Variants in MAP3K20 observed in about 807,000 individuals in gnomAD.
MAP3K20 encodes the protein mitogen-activated protein kinase kinase kinase 20.
A neutral mutation model predicts 85.7 loss-of-function variants in MAP3K20; 40 were observed. That is an observed-to-expected ratio of 0.47 (90% CI 0.36 to 0.61). The LOEUF (loss-of-function observed/expected upper bound fraction) is 0.61, where lower values mean the gene tolerates loss of function less well. Among genes scored for constraint, MAP3K20 ranks in the 20% least tolerant of loss-of-function variants. The probability of loss-of-function intolerance (pLI) is 0.00; values close to 1 mark genes in which losing one functional copy is unlikely to be tolerated. For missense variants in MAP3K20, 817 were observed against 961.7 expected (o/e 0.85, Z 1.99); for synonymous variants, 325 against 327.7 (o/e 0.99, Z 0.09).
chr2:173,159,413 T>C (rs888436689), intron 2 of MAP3K20, among the ~76,000 whole-genome samples: 2 of 150,820 alleles, frequency 1.3e-5, no homozygotes, highest in African/African-American at 4.9e-5. Context: ...TTTTTTTTTT[T>C]TCCTGGATCT....
intron 3 of MAP3K20, among the ~76,000 whole-genome samples, chr2:173,172,488 A>G (rs984528229): frequency 6.6e-6 from 1 of 152,188 alleles, no homozygotes; most frequent in Admixed American, 6.5e-5. Flanking sequence ...CCAGAGCTTC[A>G]TAGATGGGTC....
At chr2:173,209,336 C>T (rs1364227582) in intron 9 of MAP3K20, among the ~76,000 whole-genome samples, 1 of 152,190 alleles carries the variant, frequency 6.6e-6, no homozygotes, top group East Asian at 1.9e-4. Flanking sequence ...TGAACACTAA[C>T]ATCCCACCAC....
At chr2:173,169,416 A>G (rs1689936149) in intron 2 of MAP3K20, among the ~76,000 whole-genome samples, 1 of 152,156 alleles carries the variant, frequency 6.6e-6, no homozygotes, top group African/African-American at 2.4e-5. Context: ...ATACCTTTGT[A>G]AATGTACATA....
chr2:173,234,979 C>T (rs3820832), intron 14 of MAP3K20, among the ~76,000 whole-genome samples: 9,639 of 152,124 alleles, frequency 0.063, 951 homozygotes, highest in East Asian at 0.54. Flanking sequence ...AGCAAAAACG[C>T]GAATGGAGAG....
intron 1 of MAP3K20, among the ~76,000 whole-genome samples, chr2:173,078,830 T>C (rs1429248279): frequency 1.3e-5 from 2 of 152,190 alleles, no homozygotes; most frequent in South Asian, 2.1e-4. Flanking sequence ...CAGAATGTTA[T>C]TAACAAAAAG....
At chr2:173,110,752 A>G (rs937710650) in intron 2 of MAP3K20, among the ~76,000 whole-genome samples, 4 of 152,136 alleles carry the variant, frequency 2.6e-5, no homozygotes, top group African/African-American at 9.7e-5. Context: ...AAATGCTGTT[A>G]ATTCATTGCT....
chr2:173,225,034 G>C, intron 11 of MAP3K20: 1 of 984,360 alleles, frequency 1.0e-6, no homozygotes, highest in Non-Finnish European at 1.2e-6. Context: ...GAATCTCTCA[G>C]TTGTGGGAAT....
At chr2:173,178,356 G>C (rs1408865519) in intron 3 of MAP3K20, among the ~76,000 whole-genome samples, 1 of 152,164 alleles carries the variant, frequency 6.6e-6, no homozygotes, top group African/African-American at 2.4e-5. Flanking sequence ...TTTAAAAATT[G>C]AATTAGGCTG....
intron 2 of MAP3K20, among the ~76,000 whole-genome samples, chr2:173,093,171 G>A (rs1363735270): frequency 6.6e-6 from 1 of 152,168 alleles, no homozygotes; most frequent in Non-Finnish European, 1.5e-5. Context: ...CATTTCTTAT[G>A]TAAATAATTG....
At chr2:173,112,223 G>T (rs1687996053) in intron 2 of MAP3K20, among the ~76,000 whole-genome samples, 1 of 152,162 alleles carries the variant, frequency 6.6e-6, no homozygotes, top group African/African-American at 2.4e-5. Context: ...CACTGTTGGT[G>T]TATAGAAGAG....
At chr2:173,115,281 T>A (rs1243505522) in intron 2 of MAP3K20, among the ~76,000 whole-genome samples, 2 of 152,196 alleles carry the variant, frequency 1.3e-5, no homozygotes, top group Non-Finnish European at 2.9e-5. Flanking sequence ...CTTTAAGTTA[T>A]CTATTTTCTT....
chr2:173,152,556 T>C (rs1040672537), intron 2 of MAP3K20, among the ~76,000 whole-genome samples: 3 of 152,222 alleles, frequency 2.0e-5, no homozygotes, highest in Non-Finnish European at 2.9e-5. Flanking sequence ...TCGAATGCTC[T>C]TAAAGGAGCC....
intron 2 of MAP3K20, among the ~76,000 whole-genome samples, chr2:173,158,804 G>T (rs543702996): frequency 6.6e-6 from 1 of 152,196 alleles, no homozygotes; most frequent in Non-Finnish European, 1.5e-5. Flanking sequence ...TGAGTCTCAG[G>T]TTAAATAACT....
chr2:173,176,991 G>A (rs550692854), intron 3 of MAP3K20, among the ~76,000 whole-genome samples: 5 of 152,258 alleles, frequency 3.3e-5, no homozygotes, highest in African/African-American at 1.2e-4. Flanking sequence ...CAAGACATCA[G>A]AAAGACATAG....
chr2:173,210,461 A>G (rs1045917345), intron 10 of MAP3K20: 1 of 152,594 alleles, frequency 6.6e-6, no homozygotes, highest in African/African-American at 2.4e-5. Flanking sequence ...TGTAAGAAAC[A>G]AGAATACTGT....
intron 7 of MAP3K20, among the ~76,000 whole-genome samples, chr2:173,196,785 T>C (rs1257498732): frequency 6.6e-6 from 1 of 152,176 alleles, no homozygotes; most frequent in Non-Finnish European, 1.5e-5. Flanking sequence ...ACTGGTTCTC[T>C]TCCTGCTTCT....
chr2:173,129,019 G>A (rs1227534358), intron 2 of MAP3K20, among the ~76,000 whole-genome samples: 1 of 150,208 alleles, frequency 6.7e-6, no homozygotes, highest in African/African-American at 2.5e-5. Flanking sequence ...TGCCTCCTGG[G>A]TTCAAGCGAT....
chr2:173,224,741 T>C (rs1289267856), intron 11 of MAP3K20: 1 of 985,420 alleles, frequency 1.0e-6, no homozygotes, highest in Non-Finnish European at 1.2e-6. Flanking sequence ...TGTTAAAACA[T>C]CCCTAAAATC....
chr2:173,218,668 G>A (rs918774529), intron 11 of MAP3K20, among the ~76,000 whole-genome samples: 4 of 152,190 alleles, frequency 2.6e-5, no homozygotes, highest in African/African-American at 9.7e-5. Flanking sequence ...AAAATGCATT[G>A]AAATCTAAAG....
Sources: allele counts gnomAD v4.1 joint callset (sites outside exome capture counted in the v4.1 genomes callset), GRCh38; gene constraint gnomAD v4.1.1; transcripts MANE v1.5; gene names NCBI Gene and HGNC (gene_info 2026-07-23, HGNC 2026-07-21).